The following SLC44A1 variants were observed in gnomAD, a reference collection of about 807,000 sequenced individuals.
SLC44A1 encodes the protein choline transporter-like protein 1.
SLC44A1 carries 26 observed loss-of-function variants against 79.3 expected under a neutral mutation model. The observed-to-expected ratio is 0.33, with a 90% CI of 0.24 to 0.46. The LOEUF is 0.46. Among genes scored for constraint, SLC44A1 ranks in the 20% least tolerant of loss-of-function variants. The pLI is 1.00. For missense variants in SLC44A1, 688 were observed against 798.1 expected, an observed-to-expected ratio of 0.86 and a Z score of 1.66; for synonymous variants, 263 against 286.2, an observed-to-expected ratio of 0.92 and a Z score of 0.82.
intron 1 of SLC44A1, among the ~76,000 whole-genome samples, chr9:105,260,075 A>G (rs1829805195): frequency 1.3e-5 from 2 of 152,232 alleles, no homozygotes; most frequent in South Asian, 4.1e-4. Context: ...ATGTAAGAAT[A>G]TCTTAATCAG....
At chr9:105,324,812 T>G (rs1031523831) in intron 3 of SLC44A1, among the ~76,000 whole-genome samples, 2 of 152,188 alleles carry the variant, frequency 1.3e-5, no homozygotes, top group African/African-American at 4.8e-5. Flanking sequence ...AAGTTACTAT[T>G]TCACATCCAC....
chr9:105,370,725 G>A (rs937380877), intron 12 of SLC44A1, among the ~76,000 whole-genome samples: 4 of 152,314 alleles, frequency 2.6e-5, no homozygotes, highest in African/African-American at 9.6e-5. Flanking sequence ...AGAGAGAATG[G>A]AGACGTGTGG....
chr9:105,357,346 C>T (rs1249074991), intron 6 of SLC44A1: 1 of 152,086 alleles, frequency 6.6e-6, no homozygotes, highest in Non-Finnish European at 1.5e-5. Flanking sequence ...GTTAGTCTAG[C>T]TTTATATCAA....
rs755898997 is a variant in SLC44A1, at chr9:105,361,331, G to A, written c.900+1G>A. On this transcript the variant is annotated splice_donor_variant, in intron 8 of 15. Transcript: ENST00000374720. LOFTEE classifies it high-confidence loss of function. ...TGCCATTTCAGCTACAGTGTTCACA[G>A]TGAGTTTAGGCTTTGGCGTGTCTTT... 1.2e-6 allele frequency: 2 copies of A among 1,601,168 alleles called. No homozygotes were observed.
intron 4 of SLC44A1, among the ~76,000 whole-genome samples, chr9:105,342,325 C>T (rs1156607432): frequency 6.6e-6 from 1 of 152,170 alleles, no homozygotes; most frequent in East Asian, 1.9e-4. Context: ...TCCAGCATAT[C>T]CACACTGTGT....
chr9:105,436,495 T>C (rs751377110), intron 15 of SLC44A1, among the ~76,000 whole-genome samples: 2 of 152,124 alleles, frequency 1.3e-5, no homozygotes, highest in African/African-American at 4.8e-5. Context: ...GTGGGAGGAT[T>C]GCTTGAGCCC....
At chr9:105,298,979 G>A (rs953464320) in intron 1 of SLC44A1, among the ~76,000 whole-genome samples, 1 of 152,056 alleles carries the variant, frequency 6.6e-6, no homozygotes, top group African/African-American at 2.4e-5. Context: ...CCAAAAAAGC[G>A]ATGAACTCAG....
rs140816272 is a variant in SLC44A1 at position 105,338,323 on chromosome 9, T to C, written c.406+2624T>C. On this transcript the variant is annotated intron_variant, in intron 4 of 15. Transcript: ENST00000374720. ...AACTAGACCTGGTAATAAGATTTAATTCCAATATTATCCTTATCACTGAGA... is the reference window on the plus strand; with the variant it reads ...AACTAGACCTGGTAATAAGATTTAACTCCAATATTATCCTTATCACTGAGA... 3.9e-5 allele frequency among the ~76,000 whole-genome samples: 6 copies of C among 152,328 alleles called. No individual in the cohort carries two copies. The East Asian group carries it at 1.2e-3, about 29-fold the overall frequency.
chr9:105,338,871 G>T (rs1310171414), intron 4 of SLC44A1, among the ~76,000 whole-genome samples: 1 of 152,164 alleles, frequency 6.6e-6, no homozygotes, highest in Non-Finnish European at 1.5e-5. Context: ...ATTAATTTCA[G>T]AGAGGAATAT....
rs1364861806 is a variant in SLC44A1, at chr9:105,351,584, GAA to G, written c.500+3135_500+3136del. The stretch of plus-strand genomic sequence containing the variant: ...AGAAAGAGAGAAAGAGAGAAAGAGA[GAA>G]AGAGAGAAAGAGAAAGAAAGAAAGA... On this transcript the variant is annotated intron_variant, in intron 5 of 15. Coordinates refer to ENST00000374720, the MANE Select transcript of SLC44A1 (RefSeq NM_080546.5). Among the ~76,000 whole-genome samples, 1,150 of 118,054 alleles carry G rather than the reference GAA, an allele frequency of 9.7e-3. 36 individuals carry two copies. The highest frequency in any genetic ancestry group is 0.036 in the African/African-American group (1,065 of 29,338). The allele number at this position is 118,054 out of a possible 152,430, so 77.4% of individuals were successfully genotyped here.
At chr9:105,366,544 T>C (rs1827947816) in intron 12 of SLC44A1, 115 bp downstream of exon 12, 1 of 463,698 alleles carries the variant, frequency 2.2e-6, no homozygotes. Flanking sequence ...TATTGTACAT[T>C]GTGCCTTGAT....
At chr9:105,251,072 A>C (rs1009186954) in intron 1 of SLC44A1, among the ~76,000 whole-genome samples, 1 of 152,162 alleles carries the variant, frequency 6.6e-6, no homozygotes, top group African/African-American at 2.4e-5. Flanking sequence ...GTATGTTAAC[A>C]GTTCCCAAAC....
intron 6 of SLC44A1, among the ~76,000 whole-genome samples, chr9:105,356,947 C>T (rs943661957): frequency 6.6e-6 from 1 of 152,054 alleles, no homozygotes; most frequent in African/African-American, 2.4e-5. Flanking sequence ...TTAAAACTCC[C>T]TATATTATTC....
chr9:105,325,307 CAT>C (rs1265149955), intron 3 of SLC44A1, among the ~76,000 whole-genome samples: 2 of 152,146 alleles, frequency 1.3e-5, no homozygotes, highest in Non-Finnish European at 2.9e-5. Flanking sequence ...TGTATAGAGA[CAT>C]AAGGTAGATT....
chr9:105,322,975 C>A (rs145587636), intron 3 of SLC44A1, among the ~76,000 whole-genome samples: 9 of 151,264 alleles, frequency 5.9e-5, no homozygotes, highest in African/African-American at 2.2e-4. Context: ...GTAATCCCAG[C>A]ACTTTGGGAG....
At chr9:105,410,821 G>A (rs1208522612) in intron 15 of SLC44A1, among the ~76,000 whole-genome samples, 1 of 152,060 alleles carries the variant, frequency 6.6e-6, no homozygotes, top group Non-Finnish European at 1.5e-5. Context: ...GCAAAATGTT[G>A]TATATCCATA....
At chr9:105,258,781 G>A (rs943884682) in intron 1 of SLC44A1, among the ~76,000 whole-genome samples, 9 of 152,052 alleles carry the variant, frequency 5.9e-5, no homozygotes, top group African/African-American at 1.7e-4. Flanking sequence ...CCTACCTCCC[G>A]GATTCAAGGG....
At chr9:105,340,709 A>G (rs1173169326) in intron 4 of SLC44A1, among the ~76,000 whole-genome samples, 1 of 152,216 alleles carries the variant, frequency 6.6e-6, no homozygotes, top group Admixed American at 6.5e-5. Flanking sequence ...TTAAGTTTCC[A>G]TGACAACATT....
At chr9:105,427,472 A>G (rs1037342011) in intron 15 of SLC44A1, among the ~76,000 whole-genome samples, 1 of 152,026 alleles carries the variant, frequency 6.6e-6, no homozygotes, top group Non-Finnish European at 1.5e-5. Context: ...CAGAGGTCTC[A>G]CTACGTTGCT....
Sources: gnomAD v4.1 joint callset for allele counts (sites outside exome capture counted in the v4.1 genomes callset) on GRCh38, gnomAD v4.1.1 for gene constraint, MANE v1.5 for transcripts, NCBI Gene and HGNC (gene_info 2026-07-23, HGNC 2026-07-21) for gene names.